Variants in MAGI2 observed in about 807,000 individuals in gnomAD.
MAGI2 encodes the protein membrane associated guanylate kinase, WW and PDZ domain containing 2.
A neutral mutation model predicts 133.3 loss-of-function variants in MAGI2; 35 were observed. The observed-to-expected ratio is 0.26, with a 90% CI of 0.20 to 0.35. The LOEUF is 0.35. Among genes scored for constraint, MAGI2 ranks in the 10% least tolerant of loss-of-function variants. The probability of loss-of-function intolerance (pLI) is 1.00; values close to 1 mark genes in which losing one functional copy is unlikely to be tolerated. For missense variants in MAGI2, 1,636 were observed against 1,863.4 expected (o/e 0.88, Z 2.25); for synonymous variants, 729 against 710.6 (o/e 1.03, Z -0.41).
chr7:79,048,948 A>G (rs1163058677), intron 1 of MAGI2, among the ~76,000 whole-genome samples: 1 of 152,198 alleles, frequency 6.6e-6, no homozygotes, highest in Non-Finnish European at 1.5e-5. Context: ...TAGATTACCA[A>G]AATAAAATAA....
chr7:79,153,562 C>T (rs571772440), intron 1 of MAGI2, among the ~76,000 whole-genome samples: 3 of 152,166 alleles, frequency 2.0e-5, no homozygotes, highest in South Asian at 2.1e-4. Flanking sequence ...AGAGTAACTA[C>T]GTGAAAATGA....
intron 2 of MAGI2, among the ~76,000 whole-genome samples, chr7:78,932,103 C>T (rs1484797848): frequency 2.0e-5 from 3 of 151,776 alleles, no homozygotes; most frequent in African/African-American, 4.8e-5. Context: ...TTCATGTATG[C>T]CCAAATTCCC....
At chr7:79,259,302 CT>C (rs745545379) in intron 1 of MAGI2, among the ~76,000 whole-genome samples, 5 of 152,076 alleles carry the variant, frequency 3.3e-5, no homozygotes, top group Non-Finnish European at 7.4e-5. Context: ...TATTTTTTCA[CT>C]GTTCAAAAAT....
At chr7:78,832,942 G>C (rs766161074) in intron 2 of MAGI2, among the ~76,000 whole-genome samples, 2 of 152,072 alleles carry the variant, frequency 1.3e-5, no homozygotes, top group Non-Finnish European at 2.9e-5. Context: ...ATAAACCGAC[G>C]CATGAGGGGC....
intron 2 of MAGI2, among the ~76,000 whole-genome samples, chr7:78,702,149 T>C (rs1496766): frequency 0.034 from 5,141 of 152,090 alleles, 242 homozygotes; most frequent in African/African-American, 0.11. Flanking sequence ...TTCAAAAACA[T>C]TCACAGTACA....
intron 2 of MAGI2, among the ~76,000 whole-genome samples, chr7:78,702,237 C>T (rs1053246641): frequency 6.6e-6 from 1 of 151,952 alleles, no homozygotes; most frequent in African/African-American, 2.4e-5. Flanking sequence ...CCACAAATCA[C>T]TTATGTGAAT....
chr7:78,455,150 G>A (rs1789172322), intron 6 of MAGI2, among the ~76,000 whole-genome samples: 1 of 150,412 alleles, frequency 6.6e-6, no homozygotes, highest in Admixed American at 6.6e-5. Flanking sequence ...AGGGGAAACT[G>A]TATATGTGTG....
chr7:79,157,499 G>A (rs7806589), intron 1 of MAGI2, among the ~76,000 whole-genome samples: 12,520 of 150,732 alleles, frequency 0.083, 1,204 homozygotes, highest in African/African-American at 0.23. Context: ...TTGCCTGTAA[G>A]CAGCACACAT....
intron 3 of MAGI2, among the ~76,000 whole-genome samples, chr7:78,539,444 A>G (rs1179437762): frequency 6.6e-6 from 1 of 151,824 alleles, no homozygotes; most frequent in Non-Finnish European, 1.5e-5. Context: ...TTTTGTATCT[A>G]TGTTCATCAG....
intron 2 of MAGI2, among the ~76,000 whole-genome samples, chr7:78,748,616 G>T (rs1328033524): frequency 6.6e-6 from 1 of 152,076 alleles, no homozygotes; most frequent in African/African-American, 2.4e-5. Flanking sequence ...ACCATTTCGG[G>T]TAGCTGGACA....
rs556486448 is a variant in MAGI2, at chr7:79,185,830, G to T, written c.302-178624C>A. Among the ~76,000 whole-genome samples the T allele has an allele frequency of 3.3e-5, 5 of 151,774 alleles. No individual in the cohort carries two copies. In the South Asian group the frequency reaches 6.2e-4, roughly 19 times the overall value. ...ATGGATGTCTTCCTAAGCCAGTTGG[G>T]ACTAAGAAACACAGTTGAAGCTCAT... On this transcript the variant is annotated intron_variant, in intron 1 of 21. Transcript: ENST00000354212.
intron 1 of MAGI2, among the ~76,000 whole-genome samples, chr7:79,142,894 G>T (rs1440370201): frequency 7.9e-5 from 12 of 152,118 alleles, no homozygotes; most frequent in Admixed American, 7.9e-4. Flanking sequence ...TGTCAGCCAG[G>T]GAGCCCACCC....
At chr7:79,418,878 C>T (rs1846740118) in intron 1 of MAGI2, among the ~76,000 whole-genome samples, 1 of 88,888 alleles carries the variant, frequency 1.1e-5, no homozygotes, top group Non-Finnish European at 2.0e-5. Context: ...CGCACACACA[C>T]ACACACACAT....
intron 3 of MAGI2, among the ~76,000 whole-genome samples, chr7:78,556,366 A>T (rs1213940849): frequency 6.6e-6 from 1 of 152,182 alleles, no homozygotes; most frequent in Non-Finnish European, 1.5e-5. Context: ...TGGTTTGGGA[A>T]GTGTGTGAAG....
intron 2 of MAGI2, chr7:79,000,098 C>A (rs919227712): frequency 6.6e-6 from 1 of 152,144 alleles, no homozygotes; most frequent in Admixed American, 6.5e-5. Context: ...CTTTAAAATT[C>A]AGTTGGATAT....
intron 2 of MAGI2, among the ~76,000 whole-genome samples, chr7:78,684,692 T>C (rs1177090331): frequency 1.3e-5 from 2 of 152,070 alleles, no homozygotes; most frequent in Non-Finnish European, 2.9e-5. Flanking sequence ...TGGAAATGTA[T>C]GAACAAGAGT....
At chr7:78,820,711 T>C (rs1297642586) in intron 2 of MAGI2, among the ~76,000 whole-genome samples, 7 of 152,008 alleles carry the variant, frequency 4.6e-5, no homozygotes, top group Non-Finnish European at 8.8e-5. Flanking sequence ...AAAGTCAAAG[T>C]ATTTCTTCTG....
chr7:78,029,220 C>A (rs186605212), intron 21 of MAGI2, among the ~76,000 whole-genome samples: 1 of 152,094 alleles, frequency 6.6e-6, no homozygotes, highest in South Asian at 2.1e-4. Flanking sequence ...GAGGTGTGAG[C>A]ACAGGTTAGG....
chr7:78,828,989 A>G (rs1206655746), intron 2 of MAGI2, among the ~76,000 whole-genome samples: 1 of 152,116 alleles, frequency 6.6e-6, no homozygotes, highest in Admixed American at 6.5e-5. Flanking sequence ...TCTTATGTCA[A>G]CTCAGTAACA....
Sources: gnomAD v4.1 joint callset for allele counts (sites outside exome capture counted in the v4.1 genomes callset) on GRCh38, gnomAD v4.1.1 for gene constraint, MANE v1.5 for transcripts, NCBI Gene and HGNC (gene_info 2026-07-23, HGNC 2026-07-21) for gene names.